The following TSPAN15 variants were observed in gnomAD, a reference collection of about 807,000 sequenced individuals.
TSPAN15 encodes tetraspanin 15.
A neutral mutation model predicts 34.5 loss-of-function variants in TSPAN15; 20 were observed. The observed-to-expected ratio is 0.58, with a 90% CI of 0.41 to 0.84. The LOEUF is 0.84. Among genes scored for constraint, TSPAN15 ranks in the 40% least tolerant of loss-of-function variants. TSPAN15 has a pLI of 0.00. For missense variants in TSPAN15, 313 were observed against 386.1 expected (o/e 0.81, Z 1.59); for synonymous variants, 155 against 153.9 (o/e 1.01, Z -0.05).
Position 69,507,068 on chromosome 10 carries a change from T to G in TSPAN15, c.*90T>G. On this transcript the variant is annotated 3_prime_UTR_variant, in exon 8 of 8. Coordinates refer to ENST00000373290, the MANE Select transcript of TSPAN15 (RefSeq NM_012339.5). ...TGGGGCTGGACAGGGCTGCGGCCCC[T>G]CTGCCCACACTCAGTACTGACCAAA... is the stretch of plus-strand genomic sequence containing the variant. 1 of 1,545,674 alleles carries G rather than the reference T, an allele frequency of 6.5e-7. No individual in the cohort carries two copies. The highest frequency in any genetic ancestry group is 8.7e-7 in the Non-Finnish European group (1 of 1,146,948).
chr10:69,454,755 T>G (rs1482053716), intron 1 of TSPAN15, among the ~76,000 whole-genome samples: 1 of 152,014 alleles, frequency 6.6e-6, no homozygotes, highest in Non-Finnish European at 1.5e-5. Context: ...AGACGGAGGT[T>G]GAAGTGAGTT....
At chr10:69,455,627 C>CG (rs879584373) in intron 1 of TSPAN15, among the ~76,000 whole-genome samples, 4,181 of 98,776 alleles carry the variant, frequency 0.042, 257 homozygotes, top group Non-Finnish European at 0.059. Flanking sequence ...TCTCTCTCTC[C>CG]CCCCCCCGTC....
At position 69,495,619 on chromosome 10, in the gene TSPAN15, T is replaced by A; in HGVS notation, c.383T>A (p.Ile128Asn). ...NQTIDFLNDN[I>N]RRGIENYYDD... ...ACCATTGACTTCCTGAACGACAACA[T>A]TCGAAGAGGAATTGAGAACTACTAT... The change falls in exon 4 of 8, where the codon ATT becomes AAT. Residue 128 changes from isoleucine (I) to asparagine (N), a missense_variant. Coordinates refer to ENST00000373290, the MANE Select transcript of TSPAN15 (RefSeq NM_012339.5). 6.2e-7 allele frequency: 1 copy of A among 1,613,848 alleles called. No homozygotes were observed. Among genetic ancestry groups the A allele is most frequent in the Non-Finnish European group, 8.5e-7 (1 of 1,179,712 alleles).
At chr10:69,493,358 T>C (rs964236829) in intron 3 of TSPAN15, among the ~76,000 whole-genome samples, 5 of 152,198 alleles carry the variant, frequency 3.3e-5, no homozygotes, top group Non-Finnish European at 5.9e-5. Context: ...CTCTCTTCTC[T>C]TGGGGCTGAC....
At chr10:69,484,029 C>G (rs1841795956) in intron 2 of TSPAN15, 153 bp downstream of exon 2, 1 of 686,146 alleles carries the variant, frequency 1.5e-6, no homozygotes, top group South Asian at 2.9e-5. Context: ...CACACTGGCC[C>G]AAGAATGCCC....
chr10:69,506,131 G>T lies in TSPAN15; in HGVS notation c.626G>T (p.Ser209Ile). Residue 209 changes from serine to isoleucine, a missense_variant, in exon 7 of 8, where the codon AGT becomes ATT. Physicochemically the swap from Ser to Ile is moderately radical, Grantham distance 142 (BLOSUM62 -2). Coordinates refer to ENST00000373290, the MANE Select transcript of TSPAN15 (RefSeq NM_012339.5). The surrounding 1 kb of genome is among the most constrained non-coding windows in gnomAD (Gnocchi z 4.7). ...GYKTIDKERFSVQDVIYVRGC... is the reference protein window; with the variant it reads ...GYKTIDKERFIVQDVIYVRGC... The stretch of plus-strand genomic sequence containing the variant: ...CAGCTCCTTCCCATGCAGCGTTTCA[G>T]TGTGCAGGATGTCATCTACGTGCGG... 1 of 1,613,840 alleles carries T rather than the reference G, an allele frequency of 6.2e-7. No individual in the cohort carries two copies. The highest frequency in any genetic ancestry group is 1.1e-5 in the South Asian group (1 of 91,066).
intron 1 of TSPAN15, among the ~76,000 whole-genome samples, chr10:69,480,103 G>C (rs1841700665): frequency 6.6e-6 from 1 of 152,206 alleles, no homozygotes; most frequent in Non-Finnish European, 1.5e-5. Context: ...CCAGGGCTCT[G>C]GGGAGCTTGT....
At chr10:69,514,735 G>T in the TSPAN15 span, among the ~76,000 whole-genome samples, 2 of 152,084 alleles carry the variant, frequency 1.3e-5, no homozygotes, top group Non-Finnish European at 1.5e-5. Flanking sequence ...TAATTAGCCT[G>T]GCTAGGGGTT....
At chr10:69,466,648 A>G (rs531774748) in intron 1 of TSPAN15, among the ~76,000 whole-genome samples, 172 of 152,264 alleles carry the variant, frequency 1.1e-3, no homozygotes, top group African/African-American at 4.0e-3. Flanking sequence ...TGATAGGAGA[A>G]TGGCTGGAGT....
chr10:69,503,846 G>A (rs1315314939), intron 5 of TSPAN15, among the ~76,000 whole-genome samples: 1 of 152,160 alleles, frequency 6.6e-6, no homozygotes. Flanking sequence ...ATGAGGTCTA[G>A]GGCGTGACCA....
intron 1 of TSPAN15, among the ~76,000 whole-genome samples, chr10:69,461,816 G>C (rs1384267568): frequency 6.6e-6 from 1 of 152,076 alleles, no homozygotes; most frequent in African/African-American, 2.4e-5. Flanking sequence ...TCACTTCCCA[G>C]AGTCAAAAGA....
intron 3 of TSPAN15, chr10:69,494,698 G>A (rs1037138735): frequency 5.1e-6 from 5 of 985,320 alleles, no homozygotes; most frequent in Admixed American, 6.1e-5. Context: ...CCCAGCGTAC[G>A]CTGTGGTGCC....
At chr10:69,531,521 T>A in the TSPAN15 span, among the ~76,000 whole-genome samples, 1 of 151,998 alleles carries the variant, frequency 6.6e-6, no homozygotes, top group Non-Finnish European at 1.5e-5. Context: ...ATCACCTGAG[T>A]CTGGGAGGTC....
At chr10:69,522,455 A>G in the TSPAN15 span, among the ~76,000 whole-genome samples, 1 of 87,294 alleles carries the variant, frequency 1.1e-5, no homozygotes, top group Non-Finnish European at 2.4e-5. Context: ...TTTTTTTTTT[A>G]TTGTAGGAAT....
chr10:69,504,018 T>G (rs774560134), intron 5 of TSPAN15, among the ~76,000 whole-genome samples: 6 of 152,232 alleles, frequency 3.9e-5, no homozygotes, highest in Admixed American at 6.5e-5. Flanking sequence ...AAACCACAGC[T>G]GACCCTGTGC....
downstream of TSPAN15, among the ~76,000 whole-genome samples, chr10:69,507,859 A>G (rs1472675874): frequency 6.6e-6 from 1 of 151,244 alleles, no homozygotes; most frequent in Non-Finnish European, 1.5e-5. Context: ...TTTTACCGAG[A>G]ACCGAGGGAA....
the TSPAN15 span, among the ~76,000 whole-genome samples, chr10:69,529,382 A>G: frequency 2.0e-5 from 3 of 148,040 alleles, no homozygotes; most frequent in Non-Finnish European, 3.0e-5. Flanking sequence ...ACTGCCATCA[A>G]TTGCGCAGTA....
the TSPAN15 span, among the ~76,000 whole-genome samples, chr10:69,522,375 C>CAAAAAA: frequency 6.2e-5 from 3 of 48,364 alleles, no homozygotes; most frequent in African/African-American, 8.2e-5. Context: ...GACCTTGTCT[C>CAAAAAA]AAAAAAAAAA....
intron 1 of TSPAN15, among the ~76,000 whole-genome samples, chr10:69,456,524 A>T (rs1180278904): frequency 6.6e-6 from 1 of 152,114 alleles, no homozygotes. Flanking sequence ...AGGAGGCTTT[A>T]TATCAGTATT....
Sources: gnomAD v4.1 joint callset for allele counts (sites outside exome capture counted in the v4.1 genomes callset) on GRCh38, gnomAD v4.1.1 for gene constraint, Gnocchi (gnomAD v3.1) non-coding constraint, MANE v1.5 for transcripts, NCBI Gene and HGNC (gene_info 2026-07-23, HGNC 2026-07-21) for gene names.